The following MYH14 variants were observed in gnomAD, a reference collection of about 807,000 sequenced individuals.
MYH14 encodes myosin-14.
In MYH14, 123 loss-of-function variants were observed where a neutral mutation model predicts 255.5. The ratio of observed to expected loss-of-function variants is 0.48; its 90% CI spans 0.42 to 0.56. The LOEUF is 0.56. Ranked by LOEUF, MYH14 falls within the 20% of genes least tolerant of loss-of-function variation. MYH14 has a pLI of 0.00. For synonymous variants in MYH14, 1,095 were observed against 1,161.2 expected (o/e 0.94, Z 1.16); for missense variants, 2,423 against 2,802.3 (o/e 0.86, Z 3.06).
intron 41 of MYH14, 92 bp from the exon 42 acceptor site, chr19:50,308,913 G>A: frequency 8.1e-7 from 1 of 1,232,422 alleles, no homozygotes; most frequent in South Asian, 1.5e-5. Context: ...GAGTCAGGGG[G>A]CAGTAGGGAT....
At chr19:50,302,773 G>A (rs1026820768) in intron 40 of MYH14, among the ~76,000 whole-genome samples, 12 of 150,092 alleles carry the variant, frequency 8.0e-5, no homozygotes, top group South Asian at 2.1e-4. Flanking sequence ...GTGGTGGCAC[G>A]TGCCTGTAAT....
chr19:50,301,950 C>G (rs1220912474), intron 40 of MYH14, 81 bp downstream of exon 40: 3 of 1,181,836 alleles, frequency 2.5e-6, no homozygotes, highest in South Asian at 2.7e-5. Context: ...GTTACAAACA[C>G]GTGGTTTAGA....
Position 50,280,011 on chromosome 19 carries a change from G to T in MYH14, c.4033-26G>T. 1 of 1,560,484 alleles carries T rather than the reference G, an allele frequency of 6.4e-7. No homozygotes were observed. The highest frequency in any genetic ancestry group is 8.8e-7 in the Non-Finnish European group (1 of 1,142,738). ...ACTGGGTGGAAGCCACGATTGGAGG[G>T]CTTCATTCCCGTCCCTTCCCTGCAG... is the stretch of plus-strand genomic sequence containing the variant. On this transcript the variant is annotated intron_variant, in intron 30 of 42. Transcript: ENST00000642316. The surrounding 1 kb of genome is among the most constrained non-coding windows in gnomAD (Gnocchi z 4.8).
At chr19:50,306,458 A>G (rs1159890516) in intron 40 of MYH14, among the ~76,000 whole-genome samples, 1 of 152,194 alleles carries the variant, frequency 6.6e-6, no homozygotes, top group Non-Finnish European at 1.5e-5. Context: ...GTGATGGTCC[A>G]TGCAGGAGAG....
chr19:50,210,091 C>T (rs576287696), intron 1 of MYH14, among the ~76,000 whole-genome samples: 160 of 102,682 alleles, frequency 1.6e-3, no homozygotes, highest in Non-Finnish European at 2.4e-3. Flanking sequence ...AGCGAGACTC[C>T]GTCTCAAAAA....
chr19:50,226,857 G>A lies in MYH14; in HGVS notation c.811-46G>A, dbSNP rs775206148. 3 of 1,595,882 alleles carry A rather than the reference G, an allele frequency of 1.9e-6. No individual in the cohort carries two copies. In the South Asian group the frequency reaches 3.3e-5, roughly 18 times the overall value. ...TGGGCTGTTGTTCACGTGTGAGTGG[G>A]GAAGGGGACCCTCTGCTGAAGCCCA... On this transcript the variant is annotated intron_variant, in intron 7 of 42. Transcript: ENST00000642316.
Position 50,250,520 on chromosome 19 carries a change from C to T in MYH14, c.1662C>T (p.Asn554=), listed in dbSNP as rs767539684. The T allele has an allele frequency of 3.1e-6, 5 of 1,612,264 alleles. No individual in the cohort carries two copies. The highest frequency in any genetic ancestry group is 4.2e-6 in the Non-Finnish European group (5 of 1,179,174). The change falls in exon 15 of 43, where the codon AAC becomes AAT. Residue 554 remains asparagine (N), a synonymous_variant. Coordinates refer to ENST00000642316, the MANE Select transcript of MYH14 (RefSeq NM_001145809.2). This position sits in a 1 kb window ranked among gnomAD's most constrained non-coding sequence, Gnocchi z 5.4. ...PCIDLIERPA[N]PPGLLALLDE... ...CCCCTGCTGTCAATGGCCAGGCCAA[C>T]CCCCCTGGACTCCTGGCCCTGCTGG...
chr19:50,237,580 C>T lies in MYH14; in HGVS notation c.1114+5510C>T, dbSNP rs113675617. On this transcript the variant is annotated intron_variant, in intron 10 of 42. Coordinates refer to ENST00000642316, the MANE Select transcript of MYH14 (RefSeq NM_001145809.2). ...TGACCTCAAGTGATCCACCCGCCTC[C>T]GCCTCCCAAAATGCTGGGATTACAG... Among the ~76,000 whole-genome samples the T allele has an allele frequency of 9.2e-5, 14 of 152,200 alleles. No individual in the cohort carries two copies. In the East Asian group the frequency reaches 1.9e-3, roughly 21 times the overall value.
chr19:50,224,032 T>TGCCCCCCCCCCCCCCCC, intron 5 of MYH14, 122 bp from the exon 6 acceptor site: 1 of 610,330 alleles, frequency 1.6e-6, no homozygotes. Context: ...ATGCCCGGTT[T>TGCCCCCCCCCCCCCCCC]CCCCAGTCCC....
chr19:50,303,416 GC>G (rs1476641421), intron 40 of MYH14, among the ~76,000 whole-genome samples: 11 of 152,168 alleles, frequency 7.2e-5, no homozygotes. Flanking sequence ...GGTTCTAAGA[GC>G]AAGGGAAAGT....
intron 10 of MYH14, among the ~76,000 whole-genome samples, chr19:50,234,785 G>A (rs1295992474): frequency 6.6e-6 from 1 of 152,106 alleles, no homozygotes; most frequent in Non-Finnish European, 1.5e-5. Flanking sequence ...GCAGGCAGCA[G>A]CTCTGATTTT....
chr19:50,265,927 G>A (rs1253086453), intron 22 of MYH14, among the ~76,000 whole-genome samples: 1 of 152,170 alleles, frequency 6.6e-6, no homozygotes, highest in African/African-American at 2.4e-5. Context: ...GAAAAAGTTT[G>A]CCTACCTTAG....
In MYH14 at chr19:50,281,735, C is replaced by G. The variant is rs199551130; in HGVS notation, c.4432C>G (p.Arg1478Gly). The G allele has an allele frequency of 4.3e-6, 7 of 1,611,270 alleles. No individual in the cohort carries two copies. Among genetic ancestry groups the G allele is most frequent in the African/African-American group, 2.7e-5 (2 of 74,922 alleles). The part of the protein sequence containing the change: ...EKTETVDRLE[R>G]GRRRLQQELD... Reference sequence around the variant, plus strand: ...GACAGAGACCGTGGATCGGCTGGAGCGGGGCCGCCGCCGGCTGCAGCAGGA... The same window carrying G: ...GACAGAGACCGTGGATCGGCTGGAGGGGGGCCGCCGCCGGCTGCAGCAGGA... The change falls in exon 33 of 43, where the codon CGG becomes GGG. Residue 1478 changes from arginine (R) to glycine (G), a missense_variant. By Grantham distance (125) the Arg-to-Gly change is moderately radical (BLOSUM62 -2). Coordinates refer to ENST00000642316, the MANE Select transcript of MYH14 (RefSeq NM_001145809.2).
intron 9 of MYH14, among the ~76,000 whole-genome samples, chr19:50,231,721 T>TAAA (rs59793441): frequency 8.9e-6 from 1 of 112,440 alleles, no homozygotes; most frequent in Non-Finnish European, 1.9e-5. Flanking sequence ...TCTAAAAAAT[T>TAAA]AAAAAAAAAA....
At chr19:50,213,352 G>A (rs1050183601) in intron 2 of MYH14, among the ~76,000 whole-genome samples, 16 of 152,130 alleles carry the variant, frequency 1.1e-4, no homozygotes, top group Non-Finnish European at 2.2e-4. Context: ...TCAGACTAGG[G>A]GGCAGGATTT....
At chr19:50,209,056 A>C (rs1044220532) in intron 1 of MYH14, among the ~76,000 whole-genome samples, 4 of 152,150 alleles carry the variant, frequency 2.6e-5, no homozygotes, top group African/African-American at 7.2e-5. Context: ...TTAATTAATA[A>C]ATTTCAGACA....
chr19:50,266,906 G>A lies in MYH14; in HGVS notation c.2724G>A (p.Gln908=). Residue 908 remains glutamine, a synonymous_variant, in exon 23 of 43, where the codon CAG becomes CAA. Transcript: ENST00000642316. This position sits in a 1 kb window ranked among gnomAD's most constrained non-coding sequence, Gnocchi z 4.1. ...KVKPLLQVTR[Q]DEVLQARAQE... ...AGCCACTGCTGCAGGTGACGCGGCA[G>A]GATGAGGTGCTGCAGGCACGGGCCC... is the stretch of plus-strand genomic sequence containing the variant. The A allele has an allele frequency of 6.4e-7, 1 of 1,552,236 alleles. No homozygotes were observed. Among genetic ancestry groups the A allele is most frequent in the Non-Finnish European group, 8.7e-7 (1 of 1,147,258 alleles).
rs2032820386 is a variant in MYH14, at chr19:50,221,550, C to G, written c.563-1533C>G. Reference sequence around the variant, plus strand: ...GGAGTGCAATGGCACGATCTTGGCTCACTGCAACCTCCGCCTCCCGGGTTC... The same window carrying G: ...GGAGTGCAATGGCACGATCTTGGCTGACTGCAACCTCCGCCTCCCGGGTTC... On this transcript the variant is annotated intron_variant, in intron 3 of 42. Coordinates refer to ENST00000642316, the MANE Select transcript of MYH14 (RefSeq NM_001145809.2). This position sits in a 1 kb window ranked among gnomAD's most constrained non-coding sequence, Gnocchi z 5.3. Among the ~76,000 whole-genome samples the G allele has an allele frequency of 6.6e-6, 1 of 152,162 alleles. No homozygotes were observed. Among genetic ancestry groups the G allele is most frequent in the East Asian group, 1.9e-4 (1 of 5,192 alleles).
intron 1 of MYH14, among the ~76,000 whole-genome samples, chr19:50,207,312 A>AGAGAGAGAGAGAGAG (rs1438345270): frequency 6.7e-6 from 1 of 148,248 alleles, no homozygotes; most frequent in Non-Finnish European, 1.5e-5. Context: ...AGAGAGAGAG[A>AGAGAGAGAGAGAGAG]GACTAGGGGC....
Sources: allele counts gnomAD v4.1 joint callset (sites outside exome capture counted in the v4.1 genomes callset), GRCh38; gene constraint gnomAD v4.1.1; non-coding constraint Gnocchi (gnomAD v3.1); transcripts MANE v1.5; gene names NCBI Gene and HGNC (gene_info 2026-07-23, HGNC 2026-07-21).